SULF2: variants seen among roughly 807,000 people sequenced by gnomAD.
The protein encoded by SULF2 is sulfatase 2.
SULF2 carries 52 observed loss-of-function variants against 107.7 expected under a neutral mutation model. The ratio of observed to expected loss-of-function variants is 0.48; its 90% confidence interval spans 0.39 to 0.61. The LOEUF (loss-of-function observed/expected upper bound fraction) is 0.61, where lower values mean the gene tolerates loss of function less well. SULF2 is among the 20% of genes least tolerant of loss of function. SULF2 has a pLI of 0.00. For synonymous variants in SULF2, 460 were observed against 464.3 expected, an observed-to-expected ratio of 0.99 and a Z score of 0.12; for missense variants, 993 against 1,177.3, an observed-to-expected ratio of 0.84 and a Z score of 2.29.
intron 2 of SULF2, among the ~76,000 whole-genome samples, chr20:47,751,232 T>C (rs2090151823): frequency 6.6e-6 from 1 of 152,206 alleles, no homozygotes; most frequent in African/African-American, 2.4e-5. Flanking sequence ...CACGAGCATC[T>C]CTCTAACTGG....
At chr20:47,659,276 C>T in intron 20 of SULF2, 123 bp downstream of exon 20, 1 of 833,198 alleles carries the variant, frequency 1.2e-6, no homozygotes, top group Non-Finnish European at 2.0e-6. Flanking sequence ...TACTTCCCCC[C>T]CACCCTCATC....
Position 47,700,695 on chromosome 20 carries a change from G to C in SULF2, c.567+1824C>G, listed in dbSNP as rs552939848. ...GAGTCTCGCTCTGTCTCCCAGGCTG[G>C]AGAGCAGTGATGTGATCTCGGCTCA... On this transcript the variant is annotated intron_variant, in intron 4 of 20. Transcript: ENST00000688720. Among the ~76,000 whole-genome samples the C allele has an allele frequency of 1.3e-4, 19 of 148,164 alleles. 3 individuals carry two copies. Among genetic ancestry groups the C allele is most frequent in the African/African-American group, 4.8e-4 (19 of 39,824 alleles).
chr20:47,690,894 GAAT>G (rs2088177080), intron 4 of SULF2, among the ~76,000 whole-genome samples: 1 of 149,372 alleles, frequency 6.7e-6, no homozygotes, highest in South Asian at 2.1e-4. Flanking sequence ...GATATTAAAA[GAAT>G]AATAGCTAAC....
intron 1 of SULF2, among the ~76,000 whole-genome samples, chr20:47,770,801 TCA>T (rs931792761): frequency 1.3e-5 from 2 of 152,126 alleles, no homozygotes; most frequent in African/African-American, 2.4e-5. Flanking sequence ...CCATGTGGCC[TCA>T]GTGTGGCTTG....
chr20:47,745,394 AAAAAAAAAAAAAAAAAATATATATATAT>A (rs1324934362), intron 2 of SULF2, among the ~76,000 whole-genome samples: 8 of 18,254 alleles, frequency 4.4e-4, no homozygotes, highest in East Asian at 1.9e-3. Flanking sequence ...AAAAAAAAAA[AAAAAAAAAAAAAAAAAATATATATATAT>A]ATATATATAT....
At chr20:47,679,030 A>G (rs2087739934) in intron 7 of SULF2, among the ~76,000 whole-genome samples, 1 of 116,122 alleles carries the variant, frequency 8.6e-6, no homozygotes, top group Admixed American at 1.2e-4. Context: ...GTCTCAGCTC[A>G]TGCCGTGAGC....
chr20:47,739,044 A>G (rs935542641), intron 2 of SULF2, among the ~76,000 whole-genome samples: 4 of 151,956 alleles, frequency 2.6e-5, no homozygotes, highest in African/African-American at 9.7e-5. Flanking sequence ...GGAACAAGGA[A>G]CTCCTAGGGT....
intron 19 of SULF2, 49 bp downstream of exon 19, chr20:47,659,648 G>A: frequency 6.5e-7 from 1 of 1,540,814 alleles, no homozygotes; most frequent in Non-Finnish European, 9.0e-7. Flanking sequence ...CTGAAGGATG[G>A]GCCAAGATAG....
At chr20:47,660,829 A>G (rs73312162) in intron 18 of SULF2, among the ~76,000 whole-genome samples, 13,783 of 151,886 alleles carry the variant, frequency 0.091, 1,700 homozygotes, top group African/African-American at 0.27. Context: ...AAAACTGCAG[A>G]TTTTGTCCTG....
intron 2 of SULF2, among the ~76,000 whole-genome samples, chr20:47,754,088 G>A (rs190428858): frequency 6.5e-4 from 99 of 152,312 alleles, no homozygotes; most frequent in Admixed American, 4.1e-3. Flanking sequence ...TCAAATGCGT[G>A]CAGGGAAAGG....
At chr20:47,753,363 G>A (rs112881835) in intron 2 of SULF2, among the ~76,000 whole-genome samples, 1 of 152,310 alleles carries the variant, frequency 6.6e-6, no homozygotes, top group South Asian at 2.1e-4. Flanking sequence ...TCAAAAGCTT[G>A]AGAAAGTTCT....
Position 47,684,425 on chromosome 20 carries a change from G to T in SULF2, c.888+6C>A. ...GCCCACCAAGAGGCATGCAGCGGGC[G>T]CCTACCGTCTCCATGGAGTCGTCCA... On this transcript the variant is annotated splice_donor_region_variant and intron_variant, in intron 6 of 20. Transcript: ENST00000688720. 6.2e-7 allele frequency: 1 copy of T among 1,605,446 alleles called. No homozygotes were observed.
intron 5 of SULF2, 21 bp from the exon 6 acceptor site, chr20:47,684,602 C>T: frequency 1.2e-6 from 2 of 1,609,936 alleles, no homozygotes; most frequent in Non-Finnish European, 1.7e-6. Context: ...AGGACATACA[C>T]ATCGGTCAAA....
At chr20:47,689,186 C>T (rs1003426327) in intron 5 of SULF2, among the ~76,000 whole-genome samples, 4 of 152,140 alleles carry the variant, frequency 2.6e-5, no homozygotes, top group African/African-American at 9.7e-5. Flanking sequence ...ATGGGAATAC[C>T]AAGTGTGACA....
intron 2 of SULF2, among the ~76,000 whole-genome samples, chr20:47,750,734 C>T (rs1352196566): frequency 6.6e-6 from 1 of 152,234 alleles, no homozygotes; most frequent in Non-Finnish European, 1.5e-5. Context: ...CATCCAACCA[C>T]CACCTCCCTA....
intron 2 of SULF2, among the ~76,000 whole-genome samples, chr20:47,742,428 T>C (rs770217152): frequency 1.3e-5 from 2 of 152,284 alleles, no homozygotes; most frequent in East Asian, 1.9e-4. Context: ...CTTCCCACCA[T>C]ACTGGGTTGA....
chr20:47,731,328 G>T (rs551241752), intron 3 of SULF2, among the ~76,000 whole-genome samples: 176 of 151,606 alleles, frequency 1.2e-3, no homozygotes, highest in Non-Finnish European at 1.8e-3. Flanking sequence ...CTGTAGCTGG[G>T]ATTACAGGTG....
At chr20:47,731,438 C>T (rs978329987) in intron 3 of SULF2, among the ~76,000 whole-genome samples, 2 of 152,014 alleles carry the variant, frequency 1.3e-5, no homozygotes, top group African/African-American at 4.8e-5. Context: ...GGTGATCCGC[C>T]CATCCCTGCC....
intron 3 of SULF2, among the ~76,000 whole-genome samples, chr20:47,719,636 C>A (rs980318439): frequency 6.6e-6 from 1 of 152,228 alleles, no homozygotes; most frequent in Non-Finnish European, 1.5e-5. Context: ...CACCTATATT[C>A]TAATAAATCC....
Sources: allele counts gnomAD v4.1 joint callset (sites outside exome capture counted in the v4.1 genomes callset), GRCh38; gene constraint gnomAD v4.1.1; transcripts MANE v1.5; gene names NCBI Gene and HGNC (gene_info 2026-07-23, HGNC 2026-07-21).